Variants in TNS1 observed in about 807,000 individuals in gnomAD.
TNS1 encodes tensin 1, also known as tensin-1.
In TNS1, 62 loss-of-function variants were observed where a neutral mutation model predicts 168.6. The ratio of observed to expected loss-of-function variants is 0.37; its 90% CI spans 0.30 to 0.45. TNS1 has a LOEUF of 0.45. Among genes scored for constraint, TNS1 ranks in the 20% least tolerant of loss-of-function variants. The pLI is 1.00. For missense variants in TNS1, 2,240 were observed against 2,339.4 expected (o/e 0.96, Z 0.88); for synonymous variants, 934 against 933.2 (o/e 1.00, Z -0.02).
intron 3 of TNS1, among the ~76,000 whole-genome samples, chr2:217,946,056 T>C (rs6711235): frequency 0.07 from 10,647 of 152,242 alleles, 1,233 homozygotes; most frequent in African/African-American, 0.24. Context: ...CCCCACTGCC[T>C]GCTACTTCCA....
At position 217,854,937 on chromosome 2, in the gene TNS1, T is replaced by C. The variant is rs1472113675; in HGVS notation, c.1430-5850A>G. Among the ~76,000 whole-genome samples the C allele has an allele frequency of 2.6e-5, 4 of 152,180 alleles. No homozygotes were observed. The South Asian group carries it at 6.2e-4, about 24-fold the overall frequency. On this transcript the variant is annotated intron_variant, in intron 18 of 32. Transcript: ENST00000682258. The stretch of plus-strand genomic sequence containing the variant: ...ATCTTAATGGCCATATCAGCTTGCA[T>C]TGACCACTTACCCACTCAGAGCCCG...
chr2:217,992,955 C>G (rs1057182442), intron 1 of TNS1, among the ~76,000 whole-genome samples: 3 of 152,186 alleles, frequency 2.0e-5, no homozygotes, highest in African/African-American at 7.2e-5. Context: ...CACATAATGA[C>G]AGTGGTCCCA....
upstream of TNS1, among the ~76,000 whole-genome samples, chr2:218,003,202 C>A (rs569624494): frequency 0.021 from 3,127 of 150,650 alleles, 125 homozygotes; most frequent in African/African-American, 0.072. Context: ...CAGGCCGTGC[C>A]CCCCACCCCC....
intron 3 of TNS1, among the ~76,000 whole-genome samples, chr2:217,966,681 G>A (rs542945732): frequency 1.3e-5 from 2 of 152,166 alleles, no homozygotes; most frequent in Non-Finnish European, 2.9e-5. Context: ...CTCACCAAGC[G>A]ATGCTGAGGC....
At chr2:217,863,325 A>T (rs577092794) in intron 18 of TNS1, among the ~76,000 whole-genome samples, 23 of 152,292 alleles carry the variant, frequency 1.5e-4, no homozygotes, top group African/African-American at 5.3e-4. Flanking sequence ...CCCCCCAGGG[A>T]ATGTGTGACA....
chr2:217,959,443 T>C (rs1575138857), intron 3 of TNS1, among the ~76,000 whole-genome samples: 1 of 151,920 alleles, frequency 6.6e-6, no homozygotes, highest in Admixed American at 6.5e-5. Context: ...GCATGGAACC[T>C]GGTATCTTAG....
chr2:217,844,724 T>C (rs1055788812), intron 19 of TNS1, among the ~76,000 whole-genome samples: 5 of 152,200 alleles, frequency 3.3e-5, no homozygotes, highest in Non-Finnish European at 7.3e-5. Flanking sequence ...TATTTTAAAG[T>C]TCCAGTTCTT....
intron 3 of TNS1, among the ~76,000 whole-genome samples, chr2:217,924,324 A>G (rs985904029): frequency 2.6e-5 from 4 of 151,928 alleles, no homozygotes; most frequent in Non-Finnish European, 5.9e-5. Context: ...TCACACACAC[A>G]CACACACAGC....
intron 2 of TNS1, among the ~76,000 whole-genome samples, chr2:217,983,275 C>A (rs1377431876): frequency 6.6e-6 from 1 of 152,196 alleles, no homozygotes; most frequent in Non-Finnish European, 1.5e-5. Flanking sequence ...AGGATGGGCC[C>A]TACCTGAGCA....
chr2:217,859,239 T>C (rs985971103), intron 18 of TNS1: 2 of 198,284 alleles, frequency 1.0e-5, no homozygotes, highest in South Asian at 1.5e-4. Context: ...TATGAGGGTA[T>C]TGAGATTTAT....
intron 4 of TNS1, among the ~76,000 whole-genome samples, chr2:217,917,291 C>A (rs939667059): frequency 1.3e-5 from 2 of 152,190 alleles, no homozygotes; most frequent in African/African-American, 4.8e-5. Context: ...TGCCTTCCTT[C>A]CAGCCATTCA....
chr2:217,830,231 G>T, intron 22 of TNS1: 1 of 1,170,064 alleles, frequency 8.5e-7, no homozygotes, highest in Non-Finnish European at 1.2e-6. Context: ...GTGCTGGCTG[G>T]TGAGAGGCAG....
chr2:217,976,642 A>G (rs1311969595), intron 3 of TNS1, among the ~76,000 whole-genome samples: 1 of 152,224 alleles, frequency 6.6e-6, no homozygotes, highest in African/African-American at 2.4e-5. Context: ...GAGACTCCTC[A>G]GGTAGGCTAT....
At chr2:217,956,759 C>T (rs1221574297) in intron 3 of TNS1, among the ~76,000 whole-genome samples, 1 of 152,200 alleles carries the variant, frequency 6.6e-6, no homozygotes. Flanking sequence ...GAGAAAACTG[C>T]GGCCCAGAGA....
chr2:217,805,716 ACACACACCACTG>A (rs1938829136), intron 32 of TNS1, among the ~76,000 whole-genome samples: 2 of 77,420 alleles, frequency 2.6e-5, no homozygotes, highest in Admixed American at 2.9e-4. Flanking sequence ...CATACACCAC[ACACACACCACTG>A]CACACACCAC....
intron 22 of TNS1, among the ~76,000 whole-genome samples, chr2:217,822,902 G>C (rs745614588): frequency 6.6e-6 from 1 of 152,174 alleles, no homozygotes; most frequent in Non-Finnish European, 1.5e-5. Flanking sequence ...CCATGATCCG[G>C]GAGGAATGTC....
Position 217,818,562 on chromosome 2 carries a change from T to C in TNS1, c.3770A>G (p.His1257Arg). 1 of 1,614,128 alleles carries C rather than the reference T, an allele frequency of 6.2e-7. No homozygotes were observed. Among genetic ancestry groups the C allele is most frequent in the Non-Finnish European group, 8.5e-7 (1 of 1,179,978 alleles). ...SYSSPDYSLQ[H>R]FSSSPESQAR... ...CTGGCTTTCCGGAGAGGAGCTGAAA[T>C]GCTGAAGTGAGTAGTCGGGGCTGCT... The change falls in exon 24 of 33, where the codon CAT (histidine) becomes CGT (arginine). Residue 1257 changes from histidine to arginine, a missense_variant. This residue lies in a region of TNS1 where 2,131 missense variants were observed against 2,171.2 expected (regional missense o/e 0.98). Coordinates refer to ENST00000682258, the MANE Select transcript of TNS1 (RefSeq NM_001387777.1).
Position 217,848,957 on chromosome 2 carries a change from G to A in TNS1, c.1560C>T (p.His520=), listed in dbSNP as rs759099041. 5.6e-6 allele frequency: 9 copies of A among 1,614,004 alleles called. No individual in the cohort carries two copies. Among genetic ancestry groups the A allele is most frequent in the African/African-American group, 5.3e-5 (4 of 74,904 alleles). ...TGCTCACAGAAAGCGTGTGTTCCAC[G>A]TGGTTGGGGGTGGCCGACAGTGTAG... ...TRPTLSATPN[H]VEHTLSVSSD... is the part of the protein sequence containing the mutation. Residue 520 remains histidine, a synonymous_variant, in exon 19 of 33, where the codon CAC becomes CAT. Coordinates refer to ENST00000682258, the MANE Select transcript of TNS1 (RefSeq NM_001387777.1).
At chr2:217,904,009 C>T (rs1402109387) in intron 6 of TNS1, among the ~76,000 whole-genome samples, 1 of 152,172 alleles carries the variant, frequency 6.6e-6, no homozygotes, top group Non-Finnish European at 1.5e-5. Context: ...GCCCAGATCC[C>T]CAGAGGGGCA....
Sources: gnomAD v4.1 joint callset for allele counts (sites outside exome capture counted in the v4.1 genomes callset) on GRCh38, gnomAD v4.1.1 for gene constraint, gnomAD v4.1.1 regional missense constraint, MANE v1.5 for transcripts, NCBI Gene and HGNC (gene_info 2026-07-23, HGNC 2026-07-21) for gene names.